The following SPOCK3 variants were observed in gnomAD, a reference collection of about 807,000 sequenced individuals.
SPOCK3 encodes the protein testican-3.
A neutral mutation model predicts 56.6 loss-of-function variants in SPOCK3; 30 were observed. That is an observed-to-expected ratio of 0.53 (90% CI 0.40 to 0.72). The LOEUF (loss-of-function observed/expected upper bound fraction) is 0.72, where lower values mean the gene tolerates loss of function less well. SPOCK3 is among the 30% of genes least tolerant of loss of function. SPOCK3 has a pLI of 0.00. For synonymous variants in SPOCK3, 196 were observed against 183.3 expected (o/e 1.07, Z -0.56); for missense variants, 527 against 530.0 (o/e 0.99, Z 0.06).
intron 6 of SPOCK3, among the ~76,000 whole-genome samples, chr4:166,842,105 G>A (rs192336054): frequency 4.2e-4 from 64 of 152,312 alleles, no homozygotes; most frequent in African/African-American, 1.3e-3. Context: ...CTGGCCTTAG[G>A]AGTGAAGCTG....
intron 4 of SPOCK3, among the ~76,000 whole-genome samples, chr4:166,913,317 A>T (rs1737474473): frequency 6.6e-6 from 1 of 152,170 alleles, no homozygotes; most frequent in Admixed American, 6.5e-5. Flanking sequence ...TTTGATACAG[A>T]ATAACTGGAA....
chr4:166,737,538 C>T lies in SPOCK3; in HGVS notation c.1061G>A (p.Gly354Glu), dbSNP rs1261423759. The change falls in exon 10 of 11, where the codon GGA (glycine) becomes GAA (glutamate). Residue 354 changes from glycine to glutamate, a missense_variant. By Grantham distance (98) the Gly-to-Glu change is moderately conservative. Coordinates refer to ENST00000357545, the MANE Select transcript of SPOCK3 (RefSeq NM_001040159.2). ...YKPTQCHGSV[G>E]QCWCVDRYGN... ...ATATCTGTCAACACACCAGCACTGTCCAACACTGCCATGACATTGTGTTGG... is the reference window on the plus strand; with the variant it reads ...ATATCTGTCAACACACCAGCACTGTTCAACACTGCCATGACATTGTGTTGG... 3 of 1,613,256 alleles carry T rather than the reference C, an allele frequency of 1.9e-6. No homozygotes were observed. Among genetic ancestry groups the T allele is most frequent in the Non-Finnish European group, 2.5e-6 (3 of 1,179,512 alleles).
intron 6 of SPOCK3, among the ~76,000 whole-genome samples, chr4:166,877,964 A>C (rs1733269107): frequency 6.6e-6 from 1 of 152,234 alleles, no homozygotes; most frequent in South Asian, 2.1e-4. Flanking sequence ...GGAAATATGA[A>C]AAATGCTACC....
rs149843221 is a variant in SPOCK3 at position 166,898,785 on chromosome 4, A to T, written c.475-9541T>A. Among the ~76,000 whole-genome samples the T allele has an allele frequency of 7.6e-3, 1,161 of 152,260 alleles. 13 individuals carry two copies. Among genetic ancestry groups the T allele is most frequent in the African/African-American group, 0.026 (1,079 of 41,538 alleles). On this transcript the variant is annotated intron_variant, in intron 5 of 10. Transcript: ENST00000357545. ...TCGTTTGCCAAAAATAGGTGTGTGT[A>T]ACTTCATACAATGGTTAATTTCATG... is the stretch of plus-strand genomic sequence containing the variant.
At chr4:167,049,176 C>T (rs1753977700) in intron 3 of SPOCK3, among the ~76,000 whole-genome samples, 1 of 151,296 alleles carries the variant, frequency 6.6e-6, no homozygotes, top group African/African-American at 2.4e-5. Flanking sequence ...ATGATTTCAG[C>T]TCACTGCAAC....
At chr4:167,056,703 G>A (rs549134008) in intron 3 of SPOCK3, among the ~76,000 whole-genome samples, 1 of 152,242 alleles carries the variant, frequency 6.6e-6, no homozygotes, top group African/African-American at 2.4e-5. Flanking sequence ...AAGATGAAAT[G>A]AATGAAATGA....
At chr4:167,065,611 C>T (rs1160695167) in intron 2 of SPOCK3, among the ~76,000 whole-genome samples, 1 of 151,810 alleles carries the variant, frequency 6.6e-6, no homozygotes. Flanking sequence ...AGTCCCACTA[C>T]TAACCCATTT....
At chr4:166,887,402 A>T (rs1734313690) in intron 6 of SPOCK3, among the ~76,000 whole-genome samples, 1 of 152,170 alleles carries the variant, frequency 6.6e-6, no homozygotes, top group African/African-American at 2.4e-5. Flanking sequence ...TGGATAGTGA[A>T]CCTGGTAGGA....
chr4:166,766,649 C>G (rs770293926), intron 7 of SPOCK3, among the ~76,000 whole-genome samples: 33 of 152,062 alleles, frequency 2.2e-4, no homozygotes, highest in Non-Finnish European at 4.3e-4. Flanking sequence ...CTAAAATTCT[C>G]TTTTTTTGCT....
intron 6 of SPOCK3, among the ~76,000 whole-genome samples, chr4:166,868,297 GAAAAGA>G (rs985916634): frequency 6.7e-4 from 72 of 108,118 alleles, no homozygotes; most frequent in Middle Eastern, 4.5e-3. Flanking sequence ...AAAAAGAAAA[GAAAAGA>G]AAAAAAAAAA....
chr4:166,833,661 G>C (rs1215038593), intron 6 of SPOCK3, among the ~76,000 whole-genome samples: 1 of 151,796 alleles, frequency 6.6e-6, no homozygotes, highest in African/African-American at 2.4e-5. Context: ...ATTCTTTTTT[G>C]CCTCTTTTTC....
At chr4:167,057,872 G>T (rs531050031) in intron 3 of SPOCK3, among the ~76,000 whole-genome samples, 3 of 152,122 alleles carry the variant, frequency 2.0e-5, no homozygotes, top group Non-Finnish European at 4.4e-5. Flanking sequence ...ACATTAGACA[G>T]ATCAACAAGA....
rs555099077 is a variant in SPOCK3 at position 167,027,674 on chromosome 4, A to C, written c.236-27211T>G. On this transcript the variant is annotated intron_variant, in intron 3 of 10. Transcript: ENST00000357545. ...TTTTGCATTCTTTTTCTATATTTCT[A>C]CAGTAAAGTAAGCTAGAGAAAAATG... Among the ~76,000 whole-genome samples, 55 of 152,048 alleles carry C rather than the reference A, an allele frequency of 3.6e-4. 1 individual carries two copies. The highest frequency in any genetic ancestry group is 1.2e-3 in the Admixed American group (18 of 15,224).
chr4:167,105,757 C>A (rs1459929034), intron 2 of SPOCK3, among the ~76,000 whole-genome samples: 1 of 151,556 alleles, frequency 6.6e-6, no homozygotes, highest in Non-Finnish European at 1.5e-5. Flanking sequence ...CATGCTTTAC[C>A]TGTAAAGACA....
intron 2 of SPOCK3, among the ~76,000 whole-genome samples, chr4:167,101,241 C>T (rs1367035736): frequency 6.6e-6 from 1 of 152,056 alleles, no homozygotes; most frequent in African/African-American, 2.4e-5. Context: ...TAAGCTCTTT[C>T]TCCCTCCCAC....
chr4:166,983,189 A>G (rs970139662), intron 4 of SPOCK3, among the ~76,000 whole-genome samples: 2 of 152,132 alleles, frequency 1.3e-5, no homozygotes, highest in Non-Finnish European at 2.9e-5. Context: ...AATGACTACT[A>G]ATTTTAATCT....
chr4:167,154,186 C>T (rs1764628730), intron 2 of SPOCK3, among the ~76,000 whole-genome samples: 1 of 151,854 alleles, frequency 6.6e-6, no homozygotes. Flanking sequence ...GTAAGTGATC[C>T]TTGTCACACA....
chr4:167,069,659 G>T (rs914340413), intron 2 of SPOCK3, among the ~76,000 whole-genome samples: 1 of 151,736 alleles, frequency 6.6e-6, no homozygotes, highest in Non-Finnish European at 1.5e-5. Context: ...GTGCATCTTC[G>T]GATACACAGA....
intron 5 of SPOCK3, among the ~76,000 whole-genome samples, chr4:166,894,152 C>T (rs561308153): frequency 6.6e-6 from 1 of 152,270 alleles, no homozygotes; most frequent in Admixed American, 6.5e-5. Context: ...CATTTCATCA[C>T]GGAATAACAC....
Sources: allele counts gnomAD v4.1 joint callset (sites outside exome capture counted in the v4.1 genomes callset), GRCh38; gene constraint gnomAD v4.1.1; transcripts MANE v1.5; gene names NCBI Gene and HGNC (gene_info 2026-07-23, HGNC 2026-07-21).